SLC44A3: variants seen among roughly 807,000 people sequenced by gnomAD.
The protein encoded by SLC44A3 is solute carrier family 44 member 3.
In SLC44A3, 74 loss-of-function variants were observed where a neutral mutation model predicts 75.4. The observed-to-expected ratio is 0.98, with a 90% confidence interval of 0.81 to 1.19. The LOEUF (loss-of-function observed/expected upper bound fraction) is 1.19, where lower values mean the gene tolerates loss of function less well. Among genes scored for constraint, SLC44A3 ranks in the 50% most tolerant of loss-of-function variants. The pLI, the probability that SLC44A3 is intolerant of heterozygous loss-of-function variation, is 0.00. For synonymous variants in SLC44A3, 310 were observed against 296.9 expected (o/e 1.04, Z -0.45); for missense variants, 700 against 778.6 (o/e 0.90, Z 1.20).
rs1571234489 is a variant in SLC44A3 at position 94,842,028 on chromosome 1, T to C, written c.789T>C (p.Tyr263=). ...TCTGCGGTGTTTTATGGTGGCTGTA[T>C]TATGACTATACCAACGACCTCAGCA... ...LFVCGVLWWL[Y]YDYTNDLSIE... Residue 263 remains tyrosine (Y), a synonymous_variant, in exon 8 of 15, where the codon TAT becomes TAC. Transcript: ENST00000271227. The C allele has an allele frequency of 6.2e-7, 1 of 1,613,322 alleles. No homozygotes were observed. Among genetic ancestry groups the C allele is most frequent in the Non-Finnish European group, 8.5e-7 (1 of 1,179,744 alleles).
Position 94,894,802 on chromosome 1 carries a change from T to C in SLC44A3, c.1858-16T>C, listed in dbSNP as rs992471309. On this transcript the variant is annotated splice_polypyrimidine_tract_variant and intron_variant, in intron 14 of 14. Coordinates refer to ENST00000271227, the MANE Select transcript of SLC44A3 (RefSeq NM_001114106.3). ...AGACACATAATACTATTCTAACTTG[T>C]TCTTTTGTTTTTCAGAGTTTCGTAA... 6.3e-7 allele frequency: 1 copy of C among 1,598,518 alleles called. No homozygotes were observed. Among genetic ancestry groups the C allele is most frequent in the East Asian group, 2.3e-5 (1 of 43,406 alleles).
chr1:94,867,865 A>G (rs2101475689), intron 12 of SLC44A3, among the ~76,000 whole-genome samples: 1 of 152,306 alleles, frequency 6.6e-6, no homozygotes, highest in Non-Finnish European at 1.5e-5. Context: ...TCAAATTCTA[A>G]AAGAAAGTTT....
intron 1 of SLC44A3, 107 bp downstream of exon 1, chr1:94,820,585 C>T: frequency 7.0e-7 from 1 of 1,428,012 alleles, no homozygotes; most frequent in Non-Finnish European, 9.2e-7. Flanking sequence ...TCCCGCGCCT[C>T]GGGGATCCCG....
chr1:94,846,573 C>G (rs998447790), intron 9 of SLC44A3, among the ~76,000 whole-genome samples: 1 of 152,204 alleles, frequency 6.6e-6, no homozygotes, highest in East Asian at 1.9e-4. Flanking sequence ...TGCAGTTGAT[C>G]TACATTCTGG....
At chr1:94,889,222 T>C (rs968942365) in intron 12 of SLC44A3, 1 of 152,198 alleles carries the variant, frequency 6.6e-6, no homozygotes, top group African/African-American at 2.4e-5. Flanking sequence ...GGAGGCTGAT[T>C]ACTGCAGTAG....
chr1:94,862,804 G>A (rs1666730405), intron 10 of SLC44A3, among the ~76,000 whole-genome samples: 1 of 152,188 alleles, frequency 6.6e-6, no homozygotes, highest in African/African-American at 2.4e-5. Context: ...TCGCTGGGTT[G>A]CCCCATATGC....
At chr1:94,893,742 A>T (rs1469834690) in intron 14 of SLC44A3, among the ~76,000 whole-genome samples, 1 of 152,166 alleles carries the variant, frequency 6.6e-6, no homozygotes, top group East Asian at 1.9e-4. Flanking sequence ...GAAAGTGCTT[A>T]TGATGGTGGT....
intron 10 of SLC44A3, among the ~76,000 whole-genome samples, chr1:94,861,360 A>G (rs1164922267): frequency 6.6e-6 from 1 of 152,190 alleles, no homozygotes; most frequent in Non-Finnish European, 1.5e-5. Context: ...CAGTAAGAAC[A>G]TGTAATTTTG....
intron 9 of SLC44A3, among the ~76,000 whole-genome samples, chr1:94,852,332 G>A (rs116327613): frequency 0.016 from 2,408 of 152,234 alleles, 67 homozygotes; most frequent in African/African-American, 0.055. Context: ...GACGATCAGG[G>A]GTGCCTCACT....
intron 12 of SLC44A3, among the ~76,000 whole-genome samples, chr1:94,889,903 T>G (rs1670021478): frequency 6.6e-6 from 1 of 151,734 alleles, no homozygotes; most frequent in Non-Finnish European, 1.5e-5. Flanking sequence ...CAGGCTGGAG[T>G]GCAATGGCAC....
At chr1:94,843,736 C>A (rs1663998810) in intron 8 of SLC44A3, 1 of 152,142 alleles carries the variant, frequency 6.6e-6, no homozygotes, top group Admixed American at 6.5e-5. Context: ...TCCTGATCTG[C>A]AATGATGATA....
At chr1:94,829,715 A>G (rs1661868854) in intron 5 of SLC44A3, among the ~76,000 whole-genome samples, 1 of 152,206 alleles carries the variant, frequency 6.6e-6, no homozygotes, top group Non-Finnish European at 1.5e-5. Context: ...GAAAAATGTG[A>G]GTATGTTTAC....
At chr1:94,862,531 G>A (rs1054361621) in intron 10 of SLC44A3, among the ~76,000 whole-genome samples, 2 of 152,208 alleles carry the variant, frequency 1.3e-5, no homozygotes, top group African/African-American at 4.8e-5. Flanking sequence ...AGCTTGGATT[G>A]ATGTGGTATT....
At chr1:94,833,327 C>T (rs1662379387) in intron 5 of SLC44A3, among the ~76,000 whole-genome samples, 1 of 152,216 alleles carries the variant, frequency 6.6e-6, no homozygotes, top group East Asian at 1.9e-4. Flanking sequence ...CTTTCAGCTG[C>T]AGTGCCTTTC....
At chr1:94,861,105 G>A (rs1332077768) in intron 10 of SLC44A3, among the ~76,000 whole-genome samples, 1 of 152,192 alleles carries the variant, frequency 6.6e-6, no homozygotes, top group Non-Finnish European at 1.5e-5. Context: ...AGTTGTACAG[G>A]AAGGGAATCT....
intron 10 of SLC44A3, among the ~76,000 whole-genome samples, chr1:94,864,011 A>G (rs1666878802): frequency 1.3e-5 from 2 of 152,172 alleles, no homozygotes; most frequent in South Asian, 4.1e-4. Context: ...TCAAAGGGTC[A>G]CCCGTGGGGT....
intron 10 of SLC44A3, 124 bp from the exon 11 acceptor site, chr1:94,864,619 T>G: frequency 1.0e-6 from 1 of 980,984 alleles, no homozygotes; most frequent in Middle Eastern, 3.3e-4. Context: ...GTATAAAAAG[T>G]TCGCCAAATG....
chr1:94,867,157 A>C lies in SLC44A3; in HGVS notation c.1396-174A>C, dbSNP rs192891844. On this transcript the variant is annotated intron_variant, in intron 11 of 14. Coordinates refer to ENST00000271227, the MANE Select transcript of SLC44A3 (RefSeq NM_001114106.3). ...CCACAAGACAGAAATGTTGCTCCTCAGTAATACTAGAACCATAATTAGTAG... is the reference window on the plus strand; with the variant it reads ...CCACAAGACAGAAATGTTGCTCCTCCGTAATACTAGAACCATAATTAGTAG... 1.4e-4 allele frequency among the ~76,000 whole-genome samples: 21 copies of C among 152,286 alleles called. No homozygotes were observed. The East Asian group carries it at 4.1e-3, about 29-fold the overall frequency.
intron 2 of SLC44A3, among the ~76,000 whole-genome samples, chr1:94,822,126 G>A (rs1034392537): frequency 3.9e-5 from 6 of 152,082 alleles, no homozygotes; most frequent in African/African-American, 1.4e-4. Flanking sequence ...CCTTGTGCCT[G>A]GCAGCTTTGA....
Sources: gnomAD v4.1 joint callset for allele counts (sites outside exome capture counted in the v4.1 genomes callset) on GRCh38, gnomAD v4.1.1 for gene constraint, MANE v1.5 for transcripts, NCBI Gene and HGNC (gene_info 2026-07-23, HGNC 2026-07-21) for gene names.